Variants in AKAP13 observed in about 807,000 individuals in gnomAD.
AKAP13 encodes the protein A-kinase anchor protein 13.
A neutral mutation model predicts 264.5 loss-of-function variants in AKAP13; 80 were observed. That is an observed-to-expected ratio of 0.30 (90% confidence interval 0.25 to 0.36). The LOEUF (loss-of-function observed/expected upper bound fraction) is 0.36. Among genes scored for constraint, AKAP13 ranks in the 10% least tolerant of loss-of-function variants. The probability of loss-of-function intolerance (pLI) is 1.00; values close to 1 mark genes in which losing one functional copy is unlikely to be tolerated. For missense variants in AKAP13, 3,712 were observed against 3,435.2 expected (o/e 1.08, Z -2.01); for synonymous variants, 1,380 against 1,250.2 (o/e 1.10, Z -2.19).
chr15:85,512,813 TTATGTATGTATGTATG>T (rs146236698), intron 2 of AKAP13, among the ~76,000 whole-genome samples: 34,263 of 145,720 alleles, frequency 0.24, 5,076 homozygotes, highest in Admixed American at 0.33. Context: ...TTGACTATTT[TTATGTATGTATGTATG>T]TATGTATGTA....
At chr15:85,658,070 A>G (rs1213110140) in intron 11 of AKAP13, among the ~76,000 whole-genome samples, 3 of 152,040 alleles carry the variant, frequency 2.0e-5, no homozygotes, top group Non-Finnish European at 4.4e-5. Context: ...CATCCTGCAT[A>G]ATGTCATGGG....
Position 85,592,907 on chromosome 15 carries a change from AT to A in AKAP13, c.4161+7089del, listed in dbSNP as rs1456461954. On this transcript the variant is annotated intron_variant, in intron 8 of 36. Coordinates refer to ENST00000394518, the MANE Select transcript of AKAP13 (RefSeq NM_007200.5). ...GTATAATTTAATGATCTAGTTGTAC[AT>A]TTTTAAGTGACCTTAAGCAAGTTAT... Among the ~76,000 whole-genome samples, 5 of 152,332 alleles carry A rather than the reference AT, an allele frequency of 3.3e-5. No homozygotes were observed. The South Asian group carries it at 1.0e-3, about 32-fold the overall frequency.
chr15:85,738,710 C>T (rs868011016), intron 33 of AKAP13, among the ~76,000 whole-genome samples: 6 of 151,642 alleles, frequency 4.0e-5, no homozygotes, highest in Middle Eastern at 3.4e-3. Context: ...CGGTGGCGGG[C>T]GCCTGTAGTC....
intron 34 of AKAP13, among the ~76,000 whole-genome samples, chr15:85,740,775 A>ACCCCCC (rs34080252): frequency 6.1e-4 from 41 of 67,390 alleles, no homozygotes; most frequent in Non-Finnish European, 6.9e-4. Context: ...ACACACAACC[A>ACCCCCC]CCCCCCCCCC....
At chr15:85,689,195 T>C (rs2085121449) in intron 16 of AKAP13, among the ~76,000 whole-genome samples, 1 of 152,186 alleles carries the variant, frequency 6.6e-6, no homozygotes, top group South Asian at 2.1e-4. Context: ...CTACATGACT[T>C]TGTAACAGGA....
At chr15:85,744,599 T>C in intron 36 of AKAP13, 29 bp from the exon 37 acceptor site, 1 of 1,613,402 alleles carries the variant, frequency 6.2e-7, no homozygotes, top group South Asian at 1.1e-5. Flanking sequence ...TTTCTGAATT[T>C]TTTTCATTCT....
chr15:85,475,283 A>G (rs1050868368), intron 1 of AKAP13, among the ~76,000 whole-genome samples: 15 of 152,196 alleles, frequency 9.9e-5, no homozygotes, highest in Non-Finnish European at 1.9e-4. Context: ...CACTCACTGA[A>G]TTATGGCCTT....
intron 8 of AKAP13, among the ~76,000 whole-genome samples, chr15:85,601,923 G>C (rs919861452): frequency 2.6e-5 from 4 of 151,668 alleles, no homozygotes; most frequent in Non-Finnish European, 4.4e-5. Flanking sequence ...AAAAAATTTA[G>C]AGGAGTGGTA....
At chr15:85,468,469 G>A (rs2074835993) in intron 1 of AKAP13, among the ~76,000 whole-genome samples, 1 of 152,150 alleles carries the variant, frequency 6.6e-6, no homozygotes, top group Non-Finnish European at 1.5e-5. Context: ...AAAATCAGTC[G>A]TGATTTGTAG....
chr15:85,583,149 C>G lies in AKAP13; in HGVS notation c.4039+1042C>G, dbSNP rs184601603. 8 of 985,438 alleles carry G rather than the reference C, an allele frequency of 8.1e-6. No homozygotes were observed. The Admixed American group carries it at 4.9e-4, about 61-fold the overall frequency. 61.0% of individuals were successfully genotyped at this position (985,438 alleles called of 1,614,324 possible). A position where few individuals can be genotyped will look rare whatever the true frequency, so the allele number is the denominator to read the frequency against. ...ACAGAAGACCTATCTCCATGCTTGC[C>G]CCTAGGCTTTTGTAGGTAAGAAGCA... On this transcript the variant is annotated intron_variant, in intron 7 of 36. Transcript: ENST00000394518.
intron 1 of AKAP13, among the ~76,000 whole-genome samples, chr15:85,399,171 TC>T (rs1450787808): frequency 6.6e-6 from 1 of 152,170 alleles, no homozygotes; most frequent in Non-Finnish European, 1.5e-5. Context: ...ATTTACTATT[TC>T]CCCATAACTT....
At chr15:85,547,003 A>G (rs946284346) in intron 5 of AKAP13, among the ~76,000 whole-genome samples, 37 of 152,244 alleles carry the variant, frequency 2.4e-4, no homozygotes, top group Non-Finnish European at 4.7e-4. Flanking sequence ...CGGCCTCCCA[A>G]AGTGCTGGGA....
intron 8 of AKAP13, among the ~76,000 whole-genome samples, chr15:85,609,050 A>G (rs2151385459): frequency 6.6e-6 from 1 of 152,348 alleles, no homozygotes; most frequent in Middle Eastern, 3.4e-3. Flanking sequence ...TGGTACATGT[A>G]TACAATGTGT....
chr15:85,681,619 C>A (rs1261255002), intron 14 of AKAP13, among the ~76,000 whole-genome samples: 1 of 151,888 alleles, frequency 6.6e-6, no homozygotes, highest in Non-Finnish European at 1.5e-5. Flanking sequence ...CCAAAGGTCT[C>A]ATCCCAAATT....
chr15:85,674,566 A>G (rs1176634195), intron 14 of AKAP13, among the ~76,000 whole-genome samples: 3 of 152,114 alleles, frequency 2.0e-5, no homozygotes, highest in Non-Finnish European at 2.9e-5. Flanking sequence ...GAGTTTGCCA[A>G]GTTTCTTAAG....
intron 8 of AKAP13, among the ~76,000 whole-genome samples, chr15:85,594,306 T>C (rs1392704777): frequency 6.6e-6 from 1 of 152,158 alleles, no homozygotes; most frequent in Non-Finnish European, 1.5e-5. Context: ...AGTAGATGAG[T>C]CTCTGCATTC....
At chr15:85,389,530 G>A (rs892530296) in intron 1 of AKAP13, among the ~76,000 whole-genome samples, 8 of 152,316 alleles carry the variant, frequency 5.3e-5, no homozygotes, top group South Asian at 2.1e-4. Flanking sequence ...CAGTTACTCC[G>A]TCATGGTTAG....
rs1311806718 is a variant in AKAP13 at position 85,380,721 on chromosome 15, C to T, written c.-89C>T. The T allele has an allele frequency of 6.6e-6, 1 of 152,638 alleles. No individual in the cohort carries two copies. The highest frequency in any genetic ancestry group is 2.4e-5 in the African/African-American group (1 of 41,466). 9.5% of individuals were successfully genotyped at this position (152,638 alleles called of 1,614,324 possible). On this transcript the variant is annotated 5_prime_UTR_variant, in exon 1 of 37. Coordinates refer to ENST00000394518, the MANE Select transcript of AKAP13 (RefSeq NM_007200.5). ...GCTTTAGCCGCCTCCGGGGGAGCGG[C>T]CGCCTATTGTCTTTCTCCGCGGCGA... is the stretch of plus-strand genomic sequence containing the variant.
intron 3 of AKAP13, among the ~76,000 whole-genome samples, chr15:85,526,936 C>G (rs2151174233): frequency 6.7e-6 from 1 of 149,136 alleles, no homozygotes; most frequent in Middle Eastern, 3.5e-3. Flanking sequence ...AATCTGTTGT[C>G]TACTGTCCTT....
Sources: allele counts gnomAD v4.1 joint callset (sites outside exome capture counted in the v4.1 genomes callset), GRCh38; gene constraint gnomAD v4.1.1; transcripts MANE v1.5; gene names NCBI Gene and HGNC (gene_info 2026-07-23, HGNC 2026-07-21).